Variants in TTLL5 observed in about 807,000 individuals in gnomAD.
TTLL5 encodes tubulin polyglutamylase TTLL5.
In TTLL5, 132 loss-of-function variants were observed where a neutral mutation model predicts 168.4. The observed-to-expected ratio is 0.78, with a 90% confidence interval of 0.68 to 0.91. The LOEUF (loss-of-function observed/expected upper bound fraction) is 0.91. Ranked by LOEUF, TTLL5 falls within the 40% of genes least tolerant of loss-of-function variation. The probability of loss-of-function intolerance (pLI) is 0.00; values close to 1 mark genes in which losing one functional copy is unlikely to be tolerated. For synonymous variants in TTLL5, 546 were observed against 558.6 expected (o/e 0.98, Z 0.32); for missense variants, 1,545 against 1,581.5 (o/e 0.98, Z 0.39).
chr14:75,726,952 G>T (rs987677916), intron 12 of TTLL5, among the ~76,000 whole-genome samples: 3 of 152,154 alleles, frequency 2.0e-5, no homozygotes, highest in African/African-American at 7.2e-5. Context: ...TACTAGCAAT[G>T]ACTGACTTAA....
intron 19 of TTLL5, among the ~76,000 whole-genome samples, chr14:75,765,795 C>A (rs1594996453): frequency 6.6e-6 from 1 of 152,100 alleles, no homozygotes; most frequent in East Asian, 1.9e-4. Context: ...CCCAGGATGT[C>A]GAGCTGTAAT....
At chr14:75,874,994 C>T (rs1446556233) in intron 29 of TTLL5, among the ~76,000 whole-genome samples, 2 of 129,662 alleles carry the variant, frequency 1.5e-5, no homozygotes, top group African/African-American at 3.0e-5. Flanking sequence ...AGTGCAGTGG[C>T]GTGATCTTGG....
chr14:75,875,359 C>A (rs1483567881), intron 29 of TTLL5, among the ~76,000 whole-genome samples: 7 of 145,270 alleles, frequency 4.8e-5, no homozygotes, highest in Admixed American at 6.9e-5. Context: ...CTGGCCAACA[C>A]GGTGAAACCC....
At chr14:75,810,084 GT>G (rs1893903190) in intron 27 of TTLL5, among the ~76,000 whole-genome samples, 1 of 152,068 alleles carries the variant, frequency 6.6e-6, no homozygotes, top group Non-Finnish European at 1.5e-5. Context: ...CTACTTGACT[GT>G]TTTTTGTCAT....
chr14:75,819,912 A>C, intron 27 of TTLL5, 95 bp from the exon 28 acceptor site: 5 of 1,369,878 alleles, frequency 3.6e-6, no homozygotes, highest in Non-Finnish European at 4.9e-6. Flanking sequence ...AGGGGTCAGC[A>C]TCTGTTGGCC....
chr14:75,734,121 T>C, intron 14 of TTLL5, 71 bp downstream of exon 14: 1 of 1,501,152 alleles, frequency 6.7e-7, no homozygotes, highest in Non-Finnish European at 9.3e-7. Context: ...TCAGACTCCA[T>C]AGGTTTTGCC....
intron 29 of TTLL5, 64 bp downstream of exon 29, chr14:75,863,926 A>AGAAAAG: frequency 8.0e-7 from 1 of 1,257,816 alleles, no homozygotes; most frequent in Non-Finnish European, 1.0e-6. Context: ...AAAAAAAAAA[A>AGAAAAG]AAAAAAAAGG....
At chr14:75,906,525 T>A in intron 31 of TTLL5, 20 of 985,870 alleles carry the variant, frequency 2.0e-5, no homozygotes, top group Non-Finnish European at 2.4e-5. Context: ...AATGTAGTGT[T>A]AAGTAGAGAT....
intron 31 of TTLL5, among the ~76,000 whole-genome samples, chr14:75,935,629 G>A (rs1177359668): frequency 1.3e-5 from 2 of 152,238 alleles, no homozygotes; most frequent in Non-Finnish European, 2.9e-5. Flanking sequence ...TCTCTTGAAA[G>A]TAGATGTTTA....
At chr14:75,824,804 TGGCCAAATGGC>T (rs1895033849) in intron 28 of TTLL5, among the ~76,000 whole-genome samples, 1 of 152,112 alleles carries the variant, frequency 6.6e-6, no homozygotes, top group East Asian at 1.9e-4. Context: ...AATTACTTAG[TGGCCAAATGGC>T]AAGGTTTTGT....
chr14:75,803,584 T>G (rs1367838006), intron 27 of TTLL5, among the ~76,000 whole-genome samples: 1 of 152,146 alleles, frequency 6.6e-6, no homozygotes, highest in Non-Finnish European at 1.5e-5. Context: ...CAGGTCAAAT[T>G]TAATTCTTTC....
chr14:75,676,109 T>G (rs1353239196), intron 3 of TTLL5, among the ~76,000 whole-genome samples: 1 of 152,212 alleles, frequency 6.6e-6, no homozygotes, highest in African/African-American at 2.4e-5. Flanking sequence ...TTTTGTTCTA[T>G]TCTTGCCCTC....
chr14:75,931,568 C>T (rs1336158139), intron 31 of TTLL5, among the ~76,000 whole-genome samples: 1 of 152,134 alleles, frequency 6.6e-6, no homozygotes, highest in Non-Finnish European at 1.5e-5. Context: ...CTTTATCCTC[C>T]ACACTGCTCT....
At chr14:75,902,350 C>T (rs2032961925) in intron 31 of TTLL5, 126 bp downstream of exon 31, 1 of 1,021,946 alleles carries the variant, frequency 9.8e-7, no homozygotes, top group Non-Finnish European at 1.4e-6. Flanking sequence ...CCTCTCAAAA[C>T]ATTGGCAAAT....
intron 9 of TTLL5, chr14:75,710,368 C>G (rs1417196364): frequency 1.3e-5 from 2 of 150,820 alleles, no homozygotes; most frequent in East Asian, 2.0e-4. Context: ...AAGTATAACC[C>G]TTTTGCTTCC....
chr14:75,740,151 T>C (rs558418347), intron 15 of TTLL5, among the ~76,000 whole-genome samples: 44 of 152,346 alleles, frequency 2.9e-4, no homozygotes, highest in Middle Eastern at 3.4e-3. Flanking sequence ...TTGTGAAATT[T>C]TCTCAAATGC....
intron 31 of TTLL5, among the ~76,000 whole-genome samples, chr14:75,939,809 A>G (rs2034543660): frequency 6.6e-6 from 1 of 152,212 alleles, no homozygotes; most frequent in Non-Finnish European, 1.5e-5. Flanking sequence ...TACAGGAGGA[A>G]TGAGGCTGAA....
chr14:75,825,364 A>T (rs367724023), intron 28 of TTLL5, among the ~76,000 whole-genome samples: 1 of 152,092 alleles, frequency 6.6e-6, no homozygotes, highest in African/African-American at 2.4e-5. Context: ...CTAGCCGAGG[A>T]TGGGAAGGCA....
At chr14:75,930,451 T>G in intron 31 of TTLL5, 1 of 384,584 alleles carries the variant, frequency 2.6e-6, no homozygotes, top group Non-Finnish European at 3.6e-6. Context: ...GATTTTCAGA[T>G]TAGGGATGTT....
Sources: allele counts gnomAD v4.1 joint callset (sites outside exome capture counted in the v4.1 genomes callset), GRCh38; gene constraint gnomAD v4.1.1; transcripts MANE v1.5; gene names NCBI Gene and HGNC (gene_info 2026-07-23, HGNC 2026-07-21).